Variants in KCNQ3 observed in about 807,000 individuals in gnomAD.
KCNQ3 encodes the protein potassium voltage-gated channel subfamily Q member 3.
KCNQ3 carries 30 observed loss-of-function variants against 92.5 expected under a neutral mutation model. That is an observed-to-expected ratio of 0.32 (90% CI 0.24 to 0.44). The LOEUF (loss-of-function observed/expected upper bound fraction) is 0.44. Ranked by LOEUF, KCNQ3 falls within the 20% of genes least tolerant of loss-of-function variation. The pLI is 1.00. For synonymous variants in KCNQ3, 450 were observed against 468.8 expected, an observed-to-expected ratio of 0.96 and a Z score of 0.52; for missense variants, 913 against 1,140.3, an observed-to-expected ratio of 0.80 and a Z score of 2.87.
At chr8:132,218,391 TTGAA>T (rs1329143443) in intron 1 of KCNQ3, among the ~76,000 whole-genome samples, 1 of 152,154 alleles carries the variant, frequency 6.6e-6, no homozygotes, top group Non-Finnish European at 1.5e-5. Flanking sequence ...TACATTTTGG[TTGAA>T]TGAATAAATG....
chr8:132,370,284 G>A (rs1188737182), intron 1 of KCNQ3, among the ~76,000 whole-genome samples: 2 of 152,130 alleles, frequency 1.3e-5, no homozygotes, highest in Non-Finnish European at 2.9e-5. Context: ...GCAACAGCAG[G>A]TGCTCAATGC....
chr8:132,454,049 C>T (rs1182546593), intron 1 of KCNQ3, among the ~76,000 whole-genome samples: 6 of 151,902 alleles, frequency 3.9e-5, no homozygotes, highest in Admixed American at 1.3e-4. Context: ...CTGGCACCGT[C>T]GATTAAAAGA....
intron 1 of KCNQ3, among the ~76,000 whole-genome samples, chr8:132,371,914 G>A (rs528317239): frequency 1.3e-5 from 2 of 152,316 alleles, no homozygotes; most frequent in South Asian, 4.1e-4. Flanking sequence ...TGCGGCCTGT[G>A]ATTGAATCCT....
At chr8:132,248,990 G>C (rs780758778) in intron 1 of KCNQ3, among the ~76,000 whole-genome samples, 1 of 152,148 alleles carries the variant, frequency 6.6e-6, no homozygotes, top group Non-Finnish European at 1.5e-5. Context: ...TCTGAAAGAT[G>C]GTGTGTCCGG....
intron 1 of KCNQ3, among the ~76,000 whole-genome samples, chr8:132,445,374 G>C (rs892582711): frequency 6.6e-6 from 1 of 152,042 alleles, no homozygotes; most frequent in Non-Finnish European, 1.5e-5. Context: ...CAGCCACGTG[G>C]CTTTCCCGCC....
Position 132,388,026 on chromosome 8 carries a change from AGAAGAAGAG to A in KCNQ3, c.386+92112_386+92120del, listed in dbSNP as rs1333395337. Among the ~76,000 whole-genome samples the A allele has an allele frequency of 3.9e-4, 53 of 134,222 alleles. 1 individual carries two copies. The highest frequency in any genetic ancestry group is 3.9e-3 in the Middle Eastern group (1 of 258). The allele number at this position is 134,222 out of a possible 152,430, so 88.1% of individuals were successfully genotyped here. A position where few individuals can be genotyped will look rare whatever the true frequency, so the allele number is the denominator to read the frequency against. On this transcript the variant is annotated intron_variant, in intron 1 of 14. Transcript: ENST00000388996. ...AAGAAGAGGAAGAGGAAGAGGAAGA[AGAAGAAGAG>A]GAAGAGGAAGAAGAAGAAGAAGAGA...
chr8:132,318,748 T>C (rs1410394345), intron 1 of KCNQ3, among the ~76,000 whole-genome samples: 2 of 152,216 alleles, frequency 1.3e-5, no homozygotes, highest in Non-Finnish European at 2.9e-5. Flanking sequence ...TGTGATGTGT[T>C]CACTCACTGA....
intron 1 of KCNQ3, among the ~76,000 whole-genome samples, chr8:132,473,022 G>A (rs1164463345): frequency 6.6e-6 from 1 of 152,208 alleles, no homozygotes; most frequent in Non-Finnish European, 1.5e-5. Context: ...AGAAACAGCA[G>A]AGTTAAATGC....
intron 10 of KCNQ3, 160 bp from the exon 11 acceptor site, chr8:132,140,338 T>C: frequency 1.7e-6 from 1 of 595,570 alleles, no homozygotes; most frequent in East Asian, 2.9e-5. Context: ...GCTGTGATGC[T>C]GTTCAGCCTT....
At chr8:132,365,622 T>C (rs1336525088) in intron 1 of KCNQ3, among the ~76,000 whole-genome samples, 4 of 152,220 alleles carry the variant, frequency 2.6e-5, no homozygotes, top group African/African-American at 7.2e-5. Context: ...GTAATGATAA[T>C]AATTGTACAT....
intron 1 of KCNQ3, among the ~76,000 whole-genome samples, chr8:132,464,268 G>A (rs1822123327): frequency 6.6e-6 from 1 of 152,168 alleles, no homozygotes; most frequent in African/African-American, 2.4e-5. Flanking sequence ...GTCTAGGCTG[G>A]TTAAGTGGTT....
intron 1 of KCNQ3, among the ~76,000 whole-genome samples, chr8:132,290,569 T>C (rs1049741351): frequency 6.6e-6 from 1 of 152,122 alleles, no homozygotes. Context: ...TGGCTTGAAC[T>C]AAGGGGTGGC....
intron 13 of KCNQ3, among the ~76,000 whole-genome samples, chr8:132,133,496 C>G (rs1167670270): frequency 6.6e-6 from 1 of 151,734 alleles, no homozygotes; most frequent in Non-Finnish European, 1.5e-5. Flanking sequence ...GCTGGGACTA[C>G]AGGCAGGCGC....
At chr8:132,444,311 A>C (rs531152353) in intron 1 of KCNQ3, among the ~76,000 whole-genome samples, 3 of 152,212 alleles carry the variant, frequency 2.0e-5, no homozygotes, top group African/African-American at 7.2e-5. Flanking sequence ...TCCTGGCATT[A>C]AGCTCTGTTT....
chr8:132,299,094 T>C (rs902216417), intron 1 of KCNQ3, among the ~76,000 whole-genome samples: 1 of 147,262 alleles, frequency 6.8e-6, no homozygotes, highest in Non-Finnish European at 1.5e-5. Context: ...TTTTAGTTTC[T>C]TTTTTTTTTC....
intron 9 of KCNQ3, among the ~76,000 whole-genome samples, chr8:132,145,068 A>G (rs890393275): frequency 1.3e-5 from 2 of 152,204 alleles, no homozygotes; most frequent in Non-Finnish European, 2.9e-5. Flanking sequence ...CTGATATAAT[A>G]ATGGGGAGCA....
chr8:132,372,824 C>T (rs1819511744), intron 1 of KCNQ3, among the ~76,000 whole-genome samples: 1 of 147,980 alleles, frequency 6.8e-6, no homozygotes, highest in Non-Finnish European at 1.5e-5. Flanking sequence ...CTCAGGTAAG[C>T]ATCCATCACT....
At chr8:132,331,759 C>T (rs1192371110) in intron 1 of KCNQ3, among the ~76,000 whole-genome samples, 2 of 152,190 alleles carry the variant, frequency 1.3e-5, no homozygotes, top group Admixed American at 6.5e-5. Flanking sequence ...ATATTATACC[C>T]ATTGCTGCTG....
At chr8:132,138,756 C>T (rs1383083114) in intron 11 of KCNQ3, among the ~76,000 whole-genome samples, 2 of 152,214 alleles carry the variant, frequency 1.3e-5, no homozygotes, top group Admixed American at 1.3e-4. Context: ...CAGGCCCTTC[C>T]ATCTGGTGCT....
Sources: gnomAD v4.1 joint callset for allele counts (sites outside exome capture counted in the v4.1 genomes callset) on GRCh38, gnomAD v4.1.1 for gene constraint, MANE v1.5 for transcripts, NCBI Gene and HGNC (gene_info 2026-07-23, HGNC 2026-07-21) for gene names.